Variants in PAX7 observed in about 807,000 individuals in gnomAD.
The protein encoded by PAX7 is paired box 7.
In PAX7, 18 loss-of-function variants were observed where a neutral mutation model predicts 50.7. The ratio of observed to expected loss-of-function variants is 0.36; its 90% CI spans 0.25 to 0.53. PAX7 has a LOEUF of 0.53. Among genes scored for constraint, PAX7 ranks in the 20% least tolerant of loss-of-function variants. The pLI is 0.93. For missense variants in PAX7, 644 were observed against 702.9 expected, an observed-to-expected ratio of 0.92 and a Z score of 0.95; for synonymous variants, 310 against 290.4, an observed-to-expected ratio of 1.07 and a Z score of -0.69.
intron 7 of PAX7, among the ~76,000 whole-genome samples, chr1:18,712,069 G>C (rs1353752534): frequency 6.6e-6 from 1 of 151,924 alleles, no homozygotes; most frequent in Non-Finnish European, 1.5e-5. Flanking sequence ...TTCTCTTGGC[G>C]AGGCCAGCCC....
In PAX7 at chr1:18,748,399, T is replaced by G. The variant is rs912624175; in HGVS notation, c.*3470T>G. 2.6e-5 allele frequency: 6 copies of G among 231,176 alleles called. No homozygotes were observed. The highest frequency in any genetic ancestry group is 5.1e-5 in the Non-Finnish European group (6 of 116,850). 14.3% of individuals were successfully genotyped at this position (231,176 alleles called of 1,614,324 possible). Reference sequence around the variant, plus strand: ...GTGTCTCGCACTATTGGACACTTTTTGGGGGTACACAGGTCTTCTCTCCTC... The same window carrying G: ...GTGTCTCGCACTATTGGACACTTTTGGGGGGTACACAGGTCTTCTCTCCTC... On this transcript the variant is annotated 3_prime_UTR_variant, in exon 9 of 9. Coordinates refer to ENST00000420770, the MANE Select transcript of PAX7 (RefSeq NM_001135254.2).
At chr1:18,711,517 T>G (rs2089351579) in intron 7 of PAX7, among the ~76,000 whole-genome samples, 1 of 152,038 alleles carries the variant, frequency 6.6e-6, no homozygotes, top group Non-Finnish European at 1.5e-5. Flanking sequence ...TCCAGGGCAA[T>G]GTAAGGGGTT....
At chr1:18,687,035 C>T (rs1057255876) in intron 4 of PAX7, among the ~76,000 whole-genome samples, 10 of 151,758 alleles carry the variant, frequency 6.6e-5, no homozygotes, top group African/African-American at 1.7e-4. Flanking sequence ...GGATTACAGG[C>T]GCATACCACC....
chr1:18,723,452 A>G (rs2236815), intron 7 of PAX7, among the ~76,000 whole-genome samples: 89,944 of 152,094 alleles, frequency 0.59, 27,025 homozygotes, highest in South Asian at 0.69. Flanking sequence ...ACTGAGAGGG[A>G]AATCGAAGAT....
In PAX7 at chr1:18,631,153, C is replaced by CGAGCGCCA. The variant is rs1321110444; in HGVS notation, c.-436_-429dup. ...TCTCCGGGCTCGGAAACTTTGGCCC[C>CGAGCGCCA]GAGCGCCAGAGCGCCAGAGCGCGAG... On this transcript the variant is annotated 5_prime_UTR_variant, in exon 1 of 9. Coordinates refer to ENST00000420770, the MANE Select transcript of PAX7 (RefSeq NM_001135254.2). The CGAGCGCCA allele has an allele frequency of 3.8e-5, 9 of 235,276 alleles. No homozygotes were observed. The South Asian group carries it at 7.1e-4, about 19-fold the overall frequency. The allele number at this position is 235,276 out of a possible 1,614,324, so 14.6% of individuals were successfully genotyped here.
At chr1:18,721,505 T>C (rs2089493706) in intron 7 of PAX7, among the ~76,000 whole-genome samples, 1 of 152,334 alleles carries the variant, frequency 6.6e-6, no homozygotes, top group African/African-American at 2.4e-5. Flanking sequence ...ATAAGCCACA[T>C]GGCCGTGACT....
At chr1:18,707,616 A>G (rs1557543102) in intron 7 of PAX7, among the ~76,000 whole-genome samples, 1 of 151,400 alleles carries the variant, frequency 6.6e-6, no homozygotes, top group Admixed American at 6.6e-5. Flanking sequence ...GTAGAGGCGG[A>G]ATTTCACCAT....
At chr1:18,635,435 A>G (rs1429481605) in intron 3 of PAX7, among the ~76,000 whole-genome samples, 195 bp downstream of exon 3, 1 of 151,608 alleles carries the variant, frequency 6.6e-6, no homozygotes, top group African/African-American at 2.4e-5. Flanking sequence ...TAAGATGGAA[A>G]GAAGGAATAG....
intron 7 of PAX7, among the ~76,000 whole-genome samples, chr1:18,715,186 T>A (rs1194035082): frequency 6.6e-6 from 1 of 151,842 alleles, no homozygotes; most frequent in Non-Finnish European, 1.5e-5. Context: ...CACCCCATTG[T>A]CATCTCAAGC....
At chr1:18,650,886 T>C (rs1483548499) in intron 4 of PAX7, among the ~76,000 whole-genome samples, 3 of 152,296 alleles carry the variant, frequency 2.0e-5, no homozygotes, top group Non-Finnish European at 4.4e-5. Context: ...CAGGGTACCA[T>C]GCTGGGAACA....
intron 4 of PAX7, among the ~76,000 whole-genome samples, chr1:18,659,376 A>G (rs1048456127): frequency 3.9e-5 from 6 of 152,152 alleles, no homozygotes. Context: ...ATTGAAGGCA[A>G]GGCTTTCCCT....
chr1:18,662,370 C>A (rs1472452256), intron 4 of PAX7, among the ~76,000 whole-genome samples: 1 of 152,194 alleles, frequency 6.6e-6, no homozygotes, highest in African/African-American at 2.4e-5. Context: ...ATGAGGCGAC[C>A]TTTCTGCAGT....
chr1:18,703,406 G>T, intron 7 of PAX7, 110 bp downstream of exon 7: 1 of 978,348 alleles, frequency 1.0e-6, no homozygotes, highest in Non-Finnish European at 1.6e-6. Flanking sequence ...GGCTGACTGC[G>T]GTTGGGGTTT....
intron 8 of PAX7, among the ~76,000 whole-genome samples, chr1:18,739,682 G>A (rs1036377105): frequency 6.6e-6 from 1 of 152,150 alleles, no homozygotes; most frequent in Admixed American, 6.5e-5. Context: ...CCTACACATG[G>A]GCCAAACTCT....
At chr1:18,653,159 T>C (rs982638893) in intron 4 of PAX7, among the ~76,000 whole-genome samples, 13 of 152,106 alleles carry the variant, frequency 8.5e-5, no homozygotes, top group Non-Finnish European at 1.8e-4. Flanking sequence ...GGAAGATTCA[T>C]TGAATCAGGA....
chr1:18,676,263 A>C (rs2100253057), intron 4 of PAX7, among the ~76,000 whole-genome samples: 1 of 152,092 alleles, frequency 6.6e-6, no homozygotes, highest in South Asian at 2.1e-4. Context: ...TGCAAATCAG[A>C]AATTTGTCCA....
chr1:18,721,924 C>T (rs1465372705), intron 7 of PAX7, among the ~76,000 whole-genome samples: 4 of 152,066 alleles, frequency 2.6e-5, no homozygotes, highest in Non-Finnish European at 4.4e-5. Context: ...TAGAATTGGT[C>T]GTGTTAAATT....
chr1:18,684,835 G>A (rs2088952334), intron 4 of PAX7, among the ~76,000 whole-genome samples: 1 of 152,192 alleles, frequency 6.6e-6, no homozygotes, highest in South Asian at 2.1e-4. Context: ...AAGCAGGGGT[G>A]GGAGGGTTTC....
intron 3 of PAX7, among the ~76,000 whole-genome samples, chr1:18,635,818 G>C (rs1158966560): frequency 6.8e-6 from 1 of 146,268 alleles, no homozygotes. Flanking sequence ...GTGTGTGTGT[G>C]TATGTGTGTG....
Sources: allele counts gnomAD v4.1 joint callset (sites outside exome capture counted in the v4.1 genomes callset), GRCh38; gene constraint gnomAD v4.1.1; transcripts MANE v1.5; gene names NCBI Gene and HGNC (gene_info 2026-07-23, HGNC 2026-07-21).